The following GRXCR1 variants were observed in gnomAD, a reference collection of about 807,000 sequenced individuals.
The protein encoded by GRXCR1 is glutaredoxin and cysteine rich domain containing 1, also known as glutaredoxin domain-containing cysteine-rich protein 1.
In GRXCR1, 27 loss-of-function variants were observed where a neutral mutation model predicts 27.3. That is an observed-to-expected ratio of 0.99 (90% CI 0.73 to 1.37). GRXCR1 has a LOEUF of 1.37. GRXCR1 is among the 40% of genes most tolerant of loss of function. The pLI is 0.00. For missense variants in GRXCR1, 379 were observed against 354.4 expected (o/e 1.07, Z -0.56); for synonymous variants, 122 against 131.1 (o/e 0.93, Z 0.47).
Position 43,018,902 on chromosome 4 carries a change from CA to C in GRXCR1, c.628-1450del, listed in dbSNP as rs1053175666. On this transcript the variant is annotated intron_variant, in intron 2 of 3. Coordinates refer to ENST00000399770, the MANE Select transcript of GRXCR1 (RefSeq NM_001080476.3). ...ACGTCTGTATTCCTGGCCCAACTAC[CA>C]ATAAATGAAGAGATATAACTTGCCT... Among the ~76,000 whole-genome samples the C allele has an allele frequency of 4.5e-4, 69 of 152,232 alleles. No individual in the cohort carries two copies. The Middle Eastern group carries it at 0.014, about 30-fold the overall frequency.
At chr4:42,987,210 A>AT (rs1283459049) in intron 2 of GRXCR1, among the ~76,000 whole-genome samples, 1 of 42,368 alleles carries the variant, frequency 2.4e-5, no homozygotes, top group African/African-American at 1.3e-4. Context: ...TCATATATAT[A>AT]TTATATATAT....
intron 1 of GRXCR1, among the ~76,000 whole-genome samples, chr4:42,949,906 C>T (rs530964862): frequency 1.3e-5 from 2 of 152,266 alleles, no homozygotes; most frequent in Admixed American, 1.3e-4. Flanking sequence ...GGGAATTCTA[C>T]AGGGACTGAA....
intron 1 of GRXCR1, among the ~76,000 whole-genome samples, chr4:42,931,487 G>C (rs1440307859): frequency 1.3e-5 from 2 of 151,886 alleles, no homozygotes; most frequent in Non-Finnish European, 2.9e-5. Context: ...CCTTGTGATA[G>C]TATCTTCCAG....
intron 1 of GRXCR1, among the ~76,000 whole-genome samples, chr4:42,933,911 G>A (rs965978446): frequency 2.1e-4 from 32 of 151,866 alleles, no homozygotes; most frequent in African/African-American, 7.5e-4. Flanking sequence ...GAAGATGGAC[G>A]AGAAAGGGGA....
intron 2 of GRXCR1, among the ~76,000 whole-genome samples, chr4:42,994,122 G>A (rs1384158599): frequency 6.6e-6 from 1 of 152,108 alleles, no homozygotes; most frequent in Non-Finnish European, 1.5e-5. Context: ...TATAGAGGAT[G>A]CATTGTTCTT....
At chr4:42,931,919 G>A (rs1747319768) in intron 1 of GRXCR1, among the ~76,000 whole-genome samples, 1 of 151,950 alleles carries the variant, frequency 6.6e-6, no homozygotes, top group South Asian at 2.1e-4. Flanking sequence ...CACAATCATG[G>A]TGGAAGAGCA....
chr4:42,924,299 A>C (rs1485586911), intron 1 of GRXCR1, among the ~76,000 whole-genome samples: 1 of 152,100 alleles, frequency 6.6e-6, no homozygotes, highest in African/African-American at 2.4e-5. Context: ...TAATAAACAC[A>C]CATATGTGTG....
intron 2 of GRXCR1, among the ~76,000 whole-genome samples, chr4:42,972,052 A>G (rs1182067406): frequency 6.6e-6 from 1 of 152,004 alleles, no homozygotes; most frequent in Non-Finnish European, 1.5e-5. Flanking sequence ...GTGAGCCACC[A>G]TGTCTGGCTA....
At chr4:42,990,400 C>T (rs1711932680) in intron 2 of GRXCR1, among the ~76,000 whole-genome samples, 1 of 150,972 alleles carries the variant, frequency 6.6e-6, no homozygotes, top group East Asian at 1.9e-4. Flanking sequence ...ACCGTTTTAG[C>T]CGGGATGGTC....
intron 1 of GRXCR1, among the ~76,000 whole-genome samples, chr4:42,927,723 C>G (rs1047786338): frequency 2.0e-5 from 3 of 151,666 alleles, no homozygotes; most frequent in Non-Finnish European, 2.9e-5. Flanking sequence ...CTTGGAGACC[C>G]AAGAGAAGCT....
intron 1 of GRXCR1, among the ~76,000 whole-genome samples, chr4:42,921,497 C>T (rs146652017): frequency 1.3e-5 from 2 of 152,108 alleles, no homozygotes; most frequent in African/African-American, 2.4e-5. Context: ...TGATGGCAGA[C>T]ATTGAATAAT....
intron 1 of GRXCR1, among the ~76,000 whole-genome samples, chr4:42,951,768 C>T (rs1268130385): frequency 6.6e-6 from 1 of 152,170 alleles, no homozygotes; most frequent in Non-Finnish European, 1.5e-5. Flanking sequence ...TCCACATCCT[C>T]ACTAGCATCT....
chr4:42,932,715 G>A (rs747020649), intron 1 of GRXCR1, among the ~76,000 whole-genome samples: 1 of 142,930 alleles, frequency 7.0e-6, no homozygotes, highest in African/African-American at 2.6e-5. Flanking sequence ...AAAATATGAA[G>A]CCTCTCTGTC....
chr4:42,921,681 T>G (rs193090871), intron 1 of GRXCR1, among the ~76,000 whole-genome samples: 1 of 152,264 alleles, frequency 6.6e-6, no homozygotes, highest in African/African-American at 2.4e-5. Context: ...TTAAATATGT[T>G]TTATCGAATT....
intron 1 of GRXCR1, among the ~76,000 whole-genome samples, chr4:42,935,987 T>C (rs1259704565): frequency 6.6e-6 from 1 of 151,908 alleles, no homozygotes; most frequent in African/African-American, 2.4e-5. Flanking sequence ...TTTTTGTTTT[T>C]GTGAAAGAAC....
intron 2 of GRXCR1, among the ~76,000 whole-genome samples, chr4:42,975,768 C>T (rs1252202933): frequency 6.6e-6 from 1 of 152,134 alleles, no homozygotes; most frequent in East Asian, 1.9e-4. Context: ...CCTCTTCCCT[C>T]AAGTCTTAAT....
intron 2 of GRXCR1, among the ~76,000 whole-genome samples, chr4:42,973,931 C>A (rs1296060133): frequency 6.6e-6 from 1 of 152,134 alleles, no homozygotes; most frequent in Non-Finnish European, 1.5e-5. Flanking sequence ...AAGGCTAGAG[C>A]ATGTTCTAGG....
intron 1 of GRXCR1, among the ~76,000 whole-genome samples, chr4:42,932,607 TATATATATATATAGAGAGAGAG>T (rs1214273380): frequency 6.6e-3 from 362 of 55,144 alleles, no homozygotes; most frequent in Middle Eastern, 0.02. Context: ...TATATATATA[TATATATATATATAGAGAGAGAG>T]AGAGAGAGAG....
At chr4:42,934,096 C>G (rs964870824) in intron 1 of GRXCR1, among the ~76,000 whole-genome samples, 1 of 151,784 alleles carries the variant, frequency 6.6e-6, no homozygotes, top group African/African-American at 2.4e-5. Flanking sequence ...CAGAAAGGAG[C>G]AGACAACTTG....
Sources: gnomAD v4.1 joint callset for allele counts (sites outside exome capture counted in the v4.1 genomes callset) on GRCh38, gnomAD v4.1.1 for gene constraint, MANE v1.5 for transcripts, NCBI Gene and HGNC (gene_info 2026-07-23, HGNC 2026-07-21) for gene names.